BLM: variants seen among roughly 807,000 people sequenced by gnomAD.
BLM encodes recQ-like DNA helicase BLM.
A neutral mutation model predicts 135.3 loss-of-function variants in BLM; 95 were observed. The ratio of observed to expected loss-of-function variants is 0.70; its 90% confidence interval spans 0.59 to 0.83. BLM has a LOEUF of 0.83. BLM is among the 40% of genes least tolerant of loss of function. BLM has a pLI of 0.00. For synonymous variants in BLM, 520 were observed against 589.2 expected, an observed-to-expected ratio of 0.88 and a Z score of 1.70; for missense variants, 1,518 against 1,663.9, an observed-to-expected ratio of 0.91 and a Z score of 1.53.
At chr15:90,735,813 T>C in intron 1 of BLM, among the ~76,000 whole-genome samples, 1 of 151,840 alleles carries the variant, frequency 6.6e-6, no homozygotes, top group East Asian at 1.9e-4. Context: ...AAATTCTTGA[T>C]TACAAAAATG....
chr15:90,774,434 T>C lies in BLM; in HGVS notation c.2555+4848T>C, dbSNP rs575923364. Among the ~76,000 whole-genome samples the C allele has an allele frequency of 4.6e-5, 7 of 152,226 alleles. No homozygotes were observed. The East Asian group carries it at 1.3e-3, about 29-fold the overall frequency. ...GGGTTGCAGTTTTTCCACATGCTTA[T>C]CAACACTTGTTACTGTCTTTTTTTA... On this transcript the variant is annotated intron_variant, in intron 12 of 21. Transcript: ENST00000355112.
chr15:90,720,437 C>T (rs1894734742), intron 1 of BLM, among the ~76,000 whole-genome samples: 2 of 152,176 alleles, frequency 1.3e-5, no homozygotes, highest in African/African-American at 2.4e-5. Flanking sequence ...ATATTCCAGT[C>T]ATAATCCTAT....
chr15:90,726,665 C>G (rs943642960), intron 1 of BLM, among the ~76,000 whole-genome samples: 1 of 152,176 alleles, frequency 6.6e-6, no homozygotes, highest in East Asian at 1.9e-4. Context: ...TTTTTAGGTT[C>G]CACATATGAG....
chr15:90,778,856 T>C (rs1299391764), intron 12 of BLM, among the ~76,000 whole-genome samples: 12 of 151,930 alleles, frequency 7.9e-5, no homozygotes, highest in South Asian at 4.1e-4. Context: ...GTGAAATTAT[T>C]GGGTCATATA....
At chr15:90,772,517 A>G (rs1896350278) in intron 12 of BLM, among the ~76,000 whole-genome samples, 1 of 152,186 alleles carries the variant, frequency 6.6e-6, no homozygotes, top group South Asian at 2.1e-4. Context: ...AGGTACTCCT[A>G]TTTTCCTCAT....
intron 19 of BLM, 27 bp downstream of exon 19, chr15:90,804,386 G>A (rs750165579): frequency 2.2e-5 from 35 of 1,591,080 alleles, no homozygotes; most frequent in Non-Finnish European, 2.8e-5. Context: ...CCTTTGTTAC[G>A]TGGCACAGAT....
In BLM at chr15:90,738,456, C is replaced by T. The variant is rs565613239; in HGVS notation, c.-4-8933C>T. ...AGGTGTGATGGTACTTTGCTGTGGTCCCAGCTACTCCGTAGGCTGAGGTGG... is the reference window on the plus strand; with the variant it reads ...AGGTGTGATGGTACTTTGCTGTGGTTCCAGCTACTCCGTAGGCTGAGGTGG... On this transcript the variant is annotated intron_variant, in intron 1 of 21. Coordinates refer to ENST00000355112, the MANE Select transcript of BLM (RefSeq NM_000057.4). 3.9e-5 allele frequency among the ~76,000 whole-genome samples: 6 copies of T among 152,154 alleles called. No homozygotes were observed. In the East Asian group the frequency reaches 1.2e-3, roughly 29 times the overall value.
chr15:90,726,277 C>A (rs530635918), intron 1 of BLM, among the ~76,000 whole-genome samples: 129 of 152,232 alleles, frequency 8.5e-4, no homozygotes, highest in African/African-American at 3.0e-3. Flanking sequence ...TCTTTTCTTT[C>A]CTTTTTTTGA....
At chr15:90,730,988 C>T (rs1895053830) in intron 1 of BLM, among the ~76,000 whole-genome samples, 1 of 152,050 alleles carries the variant, frequency 6.6e-6, no homozygotes, top group African/African-American at 2.4e-5. Flanking sequence ...CTCTGTTACC[C>T]AGGCTGGAGT....
intron 16 of BLM, among the ~76,000 whole-genome samples, chr15:90,795,512 T>C (rs1897008687): frequency 6.6e-6 from 1 of 151,782 alleles, no homozygotes; most frequent in Non-Finnish European, 1.5e-5. Flanking sequence ...TCAGTAAGTA[T>C]AGTTAAAAAA....
intron 14 of BLM, among the ~76,000 whole-genome samples, chr15:90,788,051 G>A (rs892603719): frequency 1.3e-5 from 2 of 152,080 alleles, no homozygotes; most frequent in African/African-American, 4.8e-5. Context: ...CTCAGTCTCA[G>A]TGGAGACAAT....
chr15:90,785,730 T>G (rs1277274544), intron 14 of BLM, among the ~76,000 whole-genome samples: 1 of 151,892 alleles, frequency 6.6e-6, no homozygotes, highest in Non-Finnish European at 1.5e-5. Flanking sequence ...TTAATATTTT[T>G]AGTGGAGACT....
intron 8 of BLM, among the ~76,000 whole-genome samples, chr15:90,764,274 TATATA>T (rs1183384190): frequency 2.7e-5 from 4 of 148,646 alleles, no homozygotes; most frequent in African/African-American, 7.3e-5. Flanking sequence ...TATTGTATTG[TATATA>T]ATATGTCTAT....
At chr15:90,787,342 C>G (rs1258700064) in intron 14 of BLM, among the ~76,000 whole-genome samples, 1 of 151,922 alleles carries the variant, frequency 6.6e-6, no homozygotes, top group African/African-American at 2.4e-5. Context: ...CGTGAGCCAC[C>G]GCACCCAGCC....
chr15:90,721,513 G>C (rs970975331), intron 1 of BLM, among the ~76,000 whole-genome samples: 1 of 152,072 alleles, frequency 6.6e-6, no homozygotes, highest in Non-Finnish European at 1.5e-5. Flanking sequence ...TTTTGGTACA[G>C]ATGGGGTTTC....
intron 12 of BLM, among the ~76,000 whole-genome samples, chr15:90,775,653 A>G (rs1896457004): frequency 1.3e-5 from 2 of 151,792 alleles, no homozygotes; most frequent in Non-Finnish European, 1.5e-5. Context: ...CTGGGACTAC[A>G]GGCACTTGCC....
At chr15:90,718,864 G>A (rs1014684741) in intron 1 of BLM, among the ~76,000 whole-genome samples, 2 of 152,160 alleles carry the variant, frequency 1.3e-5, no homozygotes, top group Non-Finnish European at 2.9e-5. Flanking sequence ...AGGACAGGTG[G>A]TATTACCTAT....
At chr15:90,788,471 GTTTT>G (rs35158343) in intron 14 of BLM, among the ~76,000 whole-genome samples, 5,363 of 95,170 alleles carry the variant, frequency 0.056, 41 homozygotes, top group Non-Finnish European at 0.069. Context: ...CCAGTGTTTT[GTTTT>G]TTTTTTTTTT....
chr15:90,812,435 A>G (rs1897445874), intron 21 of BLM, among the ~76,000 whole-genome samples: 1 of 99,742 alleles, frequency 1.0e-5, no homozygotes, highest in Non-Finnish European at 2.2e-5. Context: ...GCATGGTCTG[A>G]TATGTGTGAT....
Sources: allele counts gnomAD v4.1 joint callset (sites outside exome capture counted in the v4.1 genomes callset), GRCh38; gene constraint gnomAD v4.1.1; transcripts MANE v1.5; gene names NCBI Gene and HGNC (gene_info 2026-07-23, HGNC 2026-07-21).